Variants in KLHL29 observed in about 807,000 individuals in gnomAD.
KLHL29 encodes kelch-like protein 29.
Under a neutral mutation model 80.4 loss-of-function variants are expected in KLHL29, and 21 were observed. That is an observed-to-expected ratio of 0.26 (90% confidence interval 0.19 to 0.38). The LOEUF (loss-of-function observed/expected upper bound fraction) is 0.38, where lower values mean the gene tolerates loss of function less well. Among genes scored for constraint, KLHL29 ranks in the 10% least tolerant of loss-of-function variants. The probability of loss-of-function intolerance (pLI) is 1.00; values close to 1 mark genes in which losing one functional copy is unlikely to be tolerated. For missense variants in KLHL29, 867 were observed against 1,223.9 expected (o/e 0.71, Z 4.35); for synonymous variants, 511 against 526.8 (o/e 0.97, Z 0.41).
intron 3 of KLHL29, among the ~76,000 whole-genome samples, chr2:23,597,309 ATGTGTGTGTGTGTGTG>A (rs1217422868): frequency 4.0e-5 from 4 of 100,522 alleles, no homozygotes; most frequent in African/African-American, 1.2e-4. Context: ...ATATATATAT[ATGTGTGTGTGTGTGTG>A]TGTGTGTGTG....
intron 1 of KLHL29, among the ~76,000 whole-genome samples, chr2:23,387,237 A>G (rs1368442817): frequency 6.6e-6 from 1 of 152,226 alleles, no homozygotes; most frequent in Non-Finnish European, 1.5e-5. Flanking sequence ...TCGGCAGCTC[A>G]GCGGCATCCC....
intron 1 of KLHL29, among the ~76,000 whole-genome samples, chr2:23,396,886 C>T (rs1282496714): frequency 1.3e-5 from 2 of 152,178 alleles, no homozygotes; most frequent in Non-Finnish European, 2.9e-5. Flanking sequence ...AAAATTTCCT[C>T]TCTTTCCCCC....
chr2:23,557,209 C>G (rs926574793), intron 2 of KLHL29, among the ~76,000 whole-genome samples: 1 of 152,242 alleles, frequency 6.6e-6, no homozygotes, highest in Non-Finnish European at 1.5e-5. Context: ...TCCCTCAACA[C>G]CGCTCTGGGC....
intron 3 of KLHL29, among the ~76,000 whole-genome samples, chr2:23,610,756 C>T (rs918349178): frequency 6.6e-6 from 1 of 152,262 alleles, no homozygotes; most frequent in African/African-American, 2.4e-5. Context: ...ACTACAGAAA[C>T]TGGGCCCAGA....
chr2:23,559,685 A>G (rs1667398907), intron 2 of KLHL29, among the ~76,000 whole-genome samples: 1 of 151,982 alleles, frequency 6.6e-6, no homozygotes. Context: ...GCGTTTAGGT[A>G]CCTGTGGAAC....
intron 1 of KLHL29, among the ~76,000 whole-genome samples, chr2:23,439,850 A>G (rs1160871778): frequency 6.6e-6 from 1 of 151,696 alleles, no homozygotes; most frequent in Non-Finnish European, 1.5e-5. Flanking sequence ...AGCTGAGTAC[A>G]ATTCCTGGGT....
chr2:23,472,947 A>G (rs1269504766), intron 1 of KLHL29, among the ~76,000 whole-genome samples: 1 of 152,202 alleles, frequency 6.6e-6, no homozygotes, highest in Non-Finnish European at 1.5e-5. Context: ...AGTTAAGTAA[A>G]ATGACTATCC....
rs1671937614 is a variant in KLHL29, at chr2:23,696,119, A to T, written c.1910A>T (p.Asn637Ile). 5.2e-6 allele frequency: 8 copies of T among 1,551,580 alleles called. No homozygotes were observed. Among genetic ancestry groups the T allele is most frequent in the Non-Finnish European group, 7.0e-6 (8 of 1,146,894 alleles). Residue 637 changes from asparagine (N) to isoleucine (I), a missense_variant, in exon 10 of 14, where the codon AAC (asparagine) becomes ATC (isoleucine). Asn to Ile is a moderately radical substitution (Grantham distance 149, BLOSUM62 -3). Coordinates refer to ENST00000486442, the MANE Select transcript of KLHL29 (RefSeq NM_052920.2). The surrounding 1 kb of genome is among the most constrained non-coding windows in gnomAD (Gnocchi z 5.5). Reference protein sequence around the residue: ...EFFSVVSAGDNIYLSGGMESG... With the variant: ...EFFSVVSAGDIIYLSGGMESG... ...TTCAGTGTAGTGAGTGCAGGGGACA[A>T]CATCTACCTCTCAGGTGAGGCCCCC...
intron 3 of KLHL29, among the ~76,000 whole-genome samples, chr2:23,574,805 G>T (rs1012091050): frequency 3.3e-5 from 5 of 152,200 alleles, no homozygotes; most frequent in Admixed American, 3.3e-4. Context: ...CATAAATTCA[G>T]GGACAGCTGA....
chr2:23,486,292 C>T (rs1340516628), intron 2 of KLHL29, among the ~76,000 whole-genome samples: 1 of 152,080 alleles, frequency 6.6e-6, no homozygotes, highest in African/African-American at 2.4e-5. Context: ...AACTCCTGAT[C>T]AGCACACAGT....
intron 1 of KLHL29, among the ~76,000 whole-genome samples, chr2:23,438,146 T>G (rs1248098210): frequency 6.7e-6 from 1 of 150,286 alleles, no homozygotes; most frequent in Non-Finnish European, 1.5e-5. Context: ...CTTGTGATTT[T>G]TGTACATTGA....
chr2:23,541,918 C>T (rs1026707341), intron 2 of KLHL29, among the ~76,000 whole-genome samples: 9 of 152,196 alleles, frequency 5.9e-5, no homozygotes, highest in Admixed American at 3.3e-4. Context: ...GCTCTTGTTT[C>T]TGGCAATGGC....
At chr2:23,421,971 T>TTGTG (rs369842645) in intron 1 of KLHL29, among the ~76,000 whole-genome samples, 1 of 139,756 alleles carries the variant, frequency 7.2e-6, no homozygotes, top group Admixed American at 7.1e-5. Flanking sequence ...GTGTCATATG[T>TTGTG]TGTGTGTGTG....
chr2:23,564,906 A>G (rs572137869), intron 3 of KLHL29, among the ~76,000 whole-genome samples: 1 of 152,328 alleles, frequency 6.6e-6, no homozygotes, highest in East Asian at 1.9e-4. Context: ...TGCAGTGGCT[A>G]CAGCCAGACT....
intron 2 of KLHL29, among the ~76,000 whole-genome samples, chr2:23,479,016 C>G (rs996092435): frequency 2.0e-5 from 3 of 151,770 alleles, no homozygotes; most frequent in Non-Finnish European, 4.4e-5. Context: ...GCCTTACTTC[C>G]TGAGCTCTCC....
chr2:23,675,807 G>A (rs1190732016), intron 5 of KLHL29, among the ~76,000 whole-genome samples: 1 of 152,230 alleles, frequency 6.6e-6, no homozygotes, highest in Non-Finnish European at 1.5e-5. Context: ...CCTGAAGTTA[G>A]AGGGGCTTGA....
chr2:23,454,547 T>G (rs1235296688), intron 1 of KLHL29, among the ~76,000 whole-genome samples: 1 of 152,232 alleles, frequency 6.6e-6, no homozygotes, highest in Admixed American at 6.5e-5. Context: ...TATACATTCT[T>G]TACAAAATCC....
chr2:23,592,310 C>T (rs900995361), intron 3 of KLHL29, among the ~76,000 whole-genome samples: 1 of 130,562 alleles, frequency 7.7e-6, no homozygotes, highest in Non-Finnish European at 1.8e-5. Context: ...CATCCTGAGC[C>T]CCTGGTTGCC....
intron 5 of KLHL29, among the ~76,000 whole-genome samples, chr2:23,649,342 C>T (rs1670025452): frequency 1.3e-5 from 2 of 152,238 alleles, no homozygotes; most frequent in Admixed American, 6.5e-5. Flanking sequence ...CTGTACCTGC[C>T]CCAGCCCTGC....
Sources: gnomAD v4.1 joint callset for allele counts (sites outside exome capture counted in the v4.1 genomes callset) on GRCh38, gnomAD v4.1.1 for gene constraint, Gnocchi (gnomAD v3.1) non-coding constraint, MANE v1.5 for transcripts, NCBI Gene and HGNC (gene_info 2026-07-23, HGNC 2026-07-21) for gene names.